Variants in CHCHD6 observed in about 807,000 individuals in gnomAD.
The protein encoded by CHCHD6 is MICOS complex subunit MIC25.
A neutral mutation model predicts 32.3 loss-of-function variants in CHCHD6; 28 were observed. That is an observed-to-expected ratio of 0.87 (90% CI 0.64 to 1.19). CHCHD6 has a LOEUF of 1.19. CHCHD6 is among the 50% of genes most tolerant of loss of function. The pLI is 0.00. For synonymous variants in CHCHD6, 122 were observed against 117.5 expected (o/e 1.04, Z -0.25); for missense variants, 333 against 307.0 (o/e 1.08, Z -0.63).
chr3:126,719,441 A>G (rs1310397267), intron 1 of CHCHD6, among the ~76,000 whole-genome samples: 1 of 152,144 alleles, frequency 6.6e-6, no homozygotes, highest in Non-Finnish European at 1.5e-5. Flanking sequence ...TCTTTCATAG[A>G]TAGCACCAAT....
intron 4 of CHCHD6, among the ~76,000 whole-genome samples, chr3:126,783,123 A>T (rs1261523445): frequency 2.0e-5 from 3 of 152,038 alleles, no homozygotes; most frequent in Non-Finnish European, 4.4e-5. Flanking sequence ...TCTGGCATCC[A>T]CCCTTTGTTT....
At chr3:126,779,443 A>G (rs1461526025) in intron 4 of CHCHD6, among the ~76,000 whole-genome samples, 1 of 150,870 alleles carries the variant, frequency 6.6e-6, no homozygotes, top group African/African-American at 2.4e-5. Flanking sequence ...AGGCTGAGGC[A>G]GGAGAATCAC....
intron 4 of CHCHD6, among the ~76,000 whole-genome samples, chr3:126,771,517 G>C (rs1349250391): frequency 6.6e-6 from 1 of 152,158 alleles, no homozygotes; most frequent in East Asian, 1.9e-4. Context: ...CCCCCTAAAG[G>C]GGGGTTCTCC....
chr3:126,936,980 G>C (rs552479996), intron 6 of CHCHD6, among the ~76,000 whole-genome samples: 14 of 152,276 alleles, frequency 9.2e-5, no homozygotes, highest in Admixed American at 9.2e-4. Context: ...TCCCATCTTA[G>C]CATCCCGCCA....
Position 126,708,098 on chromosome 3 carries a change from C to G in CHCHD6, c.87+3699C>G, listed in dbSNP as rs114663142. Among the ~76,000 whole-genome samples the G allele has an allele frequency of 3.4e-3, 523 of 152,362 alleles. 5 individuals carry two copies. The highest frequency in any genetic ancestry group is 0.012 in the African/African-American group (489 of 41,578). On this transcript the variant is annotated intron_variant, in intron 1 of 7. Transcript: ENST00000290913. Reference sequence around the variant, plus strand: ...GGCTGCCTGCTTGAGGTGGGATGGTCAGGCAGTGCCTCTCAGGAGGAGATG... The same window carrying G: ...GGCTGCCTGCTTGAGGTGGGATGGTGAGGCAGTGCCTCTCAGGAGGAGATG...
At chr3:126,840,288 C>T (rs1292621294) in intron 4 of CHCHD6, among the ~76,000 whole-genome samples, 6 of 151,748 alleles carry the variant, frequency 4.0e-5, no homozygotes, top group Non-Finnish European at 7.4e-5. Context: ...TTAGGGGTGA[C>T]GAAAATGTTC....
intron 6 of CHCHD6, among the ~76,000 whole-genome samples, chr3:126,926,607 G>A (rs1055634809): frequency 6.6e-6 from 1 of 152,196 alleles, no homozygotes; most frequent in Non-Finnish European, 1.5e-5. Flanking sequence ...TGGGGACCAG[G>A]CATGCTGGTC....
rs141199955 is a variant in CHCHD6, at chr3:126,738,257, G to A, written c.411+5035G>A. Among the ~76,000 whole-genome samples, 94 of 152,290 alleles carry A rather than the reference G, an allele frequency of 6.2e-4. No individual in the cohort carries two copies. In the East Asian group the frequency reaches 0.016, roughly 26 times the overall value. Reference sequence around the variant, plus strand: ...CTGCAGATTCAACCCACTGTGGATCGAAGTCCACAGATACAGAGGGCTCAC... The same window carrying A: ...CTGCAGATTCAACCCACTGTGGATCAAAGTCCACAGATACAGAGGGCTCAC... On this transcript the variant is annotated intron_variant, in intron 4 of 7. Coordinates refer to ENST00000290913, the MANE Select transcript of CHCHD6 (RefSeq NM_032343.3).
intron 4 of CHCHD6, among the ~76,000 whole-genome samples, chr3:126,824,453 C>T (rs945948284): frequency 2.1e-5 from 3 of 140,900 alleles, no homozygotes; most frequent in Non-Finnish European, 4.5e-5. Context: ...CTCAGCTACT[C>T]GGGAGACTGA....
At chr3:126,775,673 G>C (rs2107678811) in intron 4 of CHCHD6, among the ~76,000 whole-genome samples, 2 of 152,324 alleles carry the variant, frequency 1.3e-5, no homozygotes, top group South Asian at 4.1e-4. Flanking sequence ...TAAAACTCTA[G>C]AGGTTAAGGA....
chr3:126,802,293 G>C (rs1235344407), intron 4 of CHCHD6, among the ~76,000 whole-genome samples: 2 of 152,032 alleles, frequency 1.3e-5, no homozygotes, highest in Non-Finnish European at 2.9e-5. Flanking sequence ...TCAAACCAAA[G>C]GCAAAGAGAT....
intron 7 of CHCHD6, among the ~76,000 whole-genome samples, chr3:126,959,621 A>G (rs1197577273): frequency 6.6e-6 from 1 of 152,200 alleles, no homozygotes; most frequent in South Asian, 2.1e-4. Flanking sequence ...TCTCTCCAGG[A>G]TCTAACATCT....
chr3:126,911,280 G>T (rs1187583778), intron 5 of CHCHD6, among the ~76,000 whole-genome samples: 1 of 152,204 alleles, frequency 6.6e-6, no homozygotes, highest in Non-Finnish European at 1.5e-5. Flanking sequence ...CGGGTTCTCA[G>T]TGTGCACGTT....
chr3:126,780,708 A>T (rs1937894351), intron 4 of CHCHD6, among the ~76,000 whole-genome samples: 1 of 152,150 alleles, frequency 6.6e-6, no homozygotes, highest in African/African-American at 2.4e-5. Context: ...TTAATTAGCA[A>T]GGTGTGTGAA....
At chr3:126,955,164 A>G (rs1456849524) in intron 6 of CHCHD6, among the ~76,000 whole-genome samples, 3 of 152,244 alleles carry the variant, frequency 2.0e-5, no homozygotes, top group South Asian at 4.1e-4. Flanking sequence ...AGACACACCC[A>G]TGTCACAGTT....
chr3:126,795,797 C>T (rs528806692), intron 4 of CHCHD6, among the ~76,000 whole-genome samples: 3 of 152,228 alleles, frequency 2.0e-5, no homozygotes, highest in African/African-American at 7.2e-5. Context: ...CCTTCAGTCC[C>T]CTCTTTTCCA....
intron 5 of CHCHD6, among the ~76,000 whole-genome samples, chr3:126,895,758 C>G (rs2107580342): frequency 6.6e-6 from 1 of 152,356 alleles, no homozygotes; most frequent in Non-Finnish European, 1.5e-5. Context: ...ATCCCCCACC[C>G]CTTCCAGTTG....
intron 4 of CHCHD6, among the ~76,000 whole-genome samples, chr3:126,807,306 G>GT (rs1193016892): frequency 6.6e-6 from 1 of 151,650 alleles, no homozygotes; most frequent in Non-Finnish European, 1.5e-5. Context: ...AGAAGAAAAA[G>GT]TTTTTTTTCT....
chr3:126,816,891 T>C (rs1298949197), intron 4 of CHCHD6, among the ~76,000 whole-genome samples: 2 of 151,984 alleles, frequency 1.3e-5, no homozygotes, highest in Admixed American at 6.6e-5. Context: ...GGCCCTGGTG[T>C]GTGATGTTCC....
Sources: allele counts gnomAD v4.1 joint callset (sites outside exome capture counted in the v4.1 genomes callset), GRCh38; gene constraint gnomAD v4.1.1; transcripts MANE v1.5; gene names NCBI Gene and HGNC (gene_info 2026-07-23, HGNC 2026-07-21).